GRHL2: variants seen among roughly 807,000 people sequenced by gnomAD.
GRHL2 encodes the protein grainyhead like transcription factor 2, also known as grainyhead-like protein 2 homolog.
Under a neutral mutation model 83.8 loss-of-function variants are expected in GRHL2, and 21 were observed. That is an observed-to-expected ratio of 0.25 (90% CI 0.18 to 0.36). The LOEUF is 0.36. GRHL2 is among the 10% of genes least tolerant of loss of function. The probability of loss-of-function intolerance (pLI) is 1.00; values close to 1 mark genes in which losing one functional copy is unlikely to be tolerated. For missense variants in GRHL2, 623 were observed against 781.8 expected (o/e 0.80, Z 2.42); for synonymous variants, 280 against 278.9 (o/e 1.00, Z -0.04).
intron 9 of GRHL2, among the ~76,000 whole-genome samples, chr8:101,629,652 T>C (rs1380149737): frequency 6.6e-6 from 1 of 152,054 alleles, no homozygotes. Flanking sequence ...TTAACAAATA[T>C]CTAAATTTTA....
chr8:101,582,836 G>A (rs2130259379), intron 7 of GRHL2, among the ~76,000 whole-genome samples: 1 of 152,232 alleles, frequency 6.6e-6, no homozygotes, highest in African/African-American at 2.4e-5. Context: ...TTATTGGGGA[G>A]ATATTCAAGT....
intron 1 of GRHL2, among the ~76,000 whole-genome samples, chr8:101,519,844 A>G (rs945945948): frequency 2.0e-5 from 3 of 152,228 alleles, no homozygotes; most frequent in African/African-American, 4.8e-5. Flanking sequence ...CAATTTAAAA[A>G]TGAGAATATT....
At chr8:101,566,474 C>G (rs1483561645) in intron 4 of GRHL2, among the ~76,000 whole-genome samples, 1 of 151,578 alleles carries the variant, frequency 6.6e-6, no homozygotes, top group African/African-American at 2.4e-5. Flanking sequence ...CAGTTATCAT[C>G]TGTGTCCAAA....
In GRHL2 at chr8:101,543,278, G is replaced by T; in HGVS notation, c.58G>T (p.Asp20Tyr). The T allele has an allele frequency of 6.2e-7, 1 of 1,614,036 alleles. No homozygotes were observed. Among genetic ancestry groups the T allele is most frequent in the South Asian group, 1.1e-5 (1 of 91,078 alleles). The change falls in exon 2 of 16, where the codon GAC becomes TAC. Residue 20 changes from aspartate (D) to tyrosine (Y), a missense_variant. Asp to Tyr is a radical substitution (Grantham distance 160). This residue lies in a region of GRHL2 where 39 missense variants were observed against 34.8 expected (regional missense o/e 1.12). Coordinates refer to ENST00000646743, the MANE Select transcript of GRHL2 (RefSeq NM_024915.4). The part of the protein sequence containing the change: ...RLVALVPMPS[D>Y]PPFNTRRAYT... Reference sequence around the variant, plus strand: ...AGTGGCCTTAGTGCCCATGCCCAGTGACCCTCCATTCAATACCCGAAGAGC... The same window carrying T: ...AGTGGCCTTAGTGCCCATGCCCAGTTACCCTCCATTCAATACCCGAAGAGC...
chr8:101,560,299 G>A (rs1239374497), intron 4 of GRHL2, among the ~76,000 whole-genome samples: 1 of 152,196 alleles, frequency 6.6e-6, no homozygotes, highest in Non-Finnish European at 1.5e-5. Context: ...GAAGTGCTGG[G>A]ATAGTGGTGT....
At chr8:101,611,136 C>T (rs748429187) in intron 8 of GRHL2, among the ~76,000 whole-genome samples, 24 of 150,952 alleles carry the variant, frequency 1.6e-4, no homozygotes, top group Non-Finnish European at 2.8e-4. Flanking sequence ...CCCCATTCAT[C>T]CCGGGATTAG....
At chr8:101,593,785 G>T (rs2130296256) in intron 7 of GRHL2, among the ~76,000 whole-genome samples, 1 of 151,800 alleles carries the variant, frequency 6.6e-6, no homozygotes, top group East Asian at 1.9e-4. Context: ...GGGGGAACAG[G>T]CTGGGCATGG....
chr8:101,574,764 G>A (rs1241454943), intron 6 of GRHL2, among the ~76,000 whole-genome samples: 2 of 152,248 alleles, frequency 1.3e-5, no homozygotes, highest in African/African-American at 4.8e-5. Context: ...CTGTGGTCAA[G>A]ACTGCGGTGA....
At chr8:101,543,132 T>G (rs1811189356) in intron 1 of GRHL2, 109 bp from the exon 2 acceptor site, 2 of 874,372 alleles carry the variant, frequency 2.3e-6, no homozygotes, top group East Asian at 4.8e-5. Flanking sequence ...TTCTCCCCCA[T>G]TCTGGGGAAA....
intron 3 of GRHL2, among the ~76,000 whole-genome samples, chr8:101,556,664 C>T (rs1009765783): frequency 1.3e-5 from 2 of 152,220 alleles, no homozygotes; most frequent in African/African-American, 4.8e-5. Context: ...ATAAGCCAAG[C>T]TACACCACTT....
chr8:101,676,055 T>G, the GRHL2 span, among the ~76,000 whole-genome samples: 1 of 149,932 alleles, frequency 6.7e-6, no homozygotes, highest in Non-Finnish European at 1.5e-5. Flanking sequence ...ATACAAAAAT[T>G]AATTCAAGAT....
intron 1 of GRHL2, 105 bp downstream of exon 1, chr8:101,492,894 CTTTCTTT>C (rs1200124011): frequency 2.7e-6 from 3 of 1,094,314 alleles, no homozygotes; most frequent in Non-Finnish European, 4.2e-6. Flanking sequence ...TGGTATTTTT[CTTTCTTT>C]TTTCTTTTTC....
At chr8:101,550,540 C>T (rs923930014) in intron 2 of GRHL2, among the ~76,000 whole-genome samples, 30 of 152,168 alleles carry the variant, frequency 2.0e-4, no homozygotes, top group Non-Finnish European at 3.1e-4. Context: ...TCTATTTTTA[C>T]GTCTGTGGGG....
chr8:101,579,998 T>C (rs1812017230), intron 7 of GRHL2, among the ~76,000 whole-genome samples: 1 of 152,206 alleles, frequency 6.6e-6, no homozygotes. Flanking sequence ...CATTTCTTTT[T>C]TGAAACCCCC....
At chr8:101,528,218 C>T (rs1213583844) in intron 1 of GRHL2, among the ~76,000 whole-genome samples, 2 of 152,096 alleles carry the variant, frequency 1.3e-5, no homozygotes, top group Non-Finnish European at 2.9e-5. Context: ...TTAACTTTGT[C>T]TTATGATTTT....
intron 1 of GRHL2, among the ~76,000 whole-genome samples, chr8:101,502,819 T>A (rs1045948631): frequency 1.3e-5 from 2 of 151,868 alleles, no homozygotes; most frequent in African/African-American, 4.8e-5. Context: ...CTTCTCTTCT[T>A]CTCTGTCCCC....
intron 15 of GRHL2, among the ~76,000 whole-genome samples, chr8:101,666,069 T>G (rs1446397981): frequency 6.6e-6 from 1 of 152,234 alleles, no homozygotes; most frequent in Non-Finnish European, 1.5e-5. Context: ...TTTTCTCATT[T>G]GCAAAATGGC....
chr8:101,558,320 A>T, intron 3 of GRHL2, 99 bp from the exon 4 acceptor site: 1 of 1,402,600 alleles, frequency 7.1e-7, no homozygotes, highest in Non-Finnish European at 1.0e-6. Flanking sequence ...TAATGGCATT[A>T]ACATCCAATG....
chr8:101,601,729 G>T (rs1370518223), intron 8 of GRHL2, among the ~76,000 whole-genome samples: 1 of 152,150 alleles, frequency 6.6e-6, no homozygotes, highest in East Asian at 1.9e-4. Context: ...ATTGTTTGAG[G>T]TTTGGGTTAA....
Sources: gnomAD v4.1 joint callset for allele counts (sites outside exome capture counted in the v4.1 genomes callset) on GRCh38, gnomAD v4.1.1 for gene constraint, gnomAD v4.1.1 regional missense constraint, MANE v1.5 for transcripts, NCBI Gene and HGNC (gene_info 2026-07-23, HGNC 2026-07-21) for gene names.